The following TEX15 variants were observed in gnomAD, a reference collection of about 807,000 sequenced individuals.
TEX15 encodes testis-expressed protein 15.
In TEX15, 171 loss-of-function variants were observed where a neutral mutation model predicts 237.3. That is an observed-to-expected ratio of 0.72 (90% CI 0.64 to 0.82). The LOEUF (loss-of-function observed/expected upper bound fraction) is 0.82, where lower values mean the gene tolerates loss of function less well. TEX15 is among the 40% of genes least tolerant of loss of function. The pLI, the probability that TEX15 is intolerant of heterozygous loss-of-function variation, is 0.00. For synonymous variants in TEX15, 1,338 were observed against 1,269.8 expected, an observed-to-expected ratio of 1.05 and a Z score of -1.14; for missense variants, 3,750 against 3,646.5, an observed-to-expected ratio of 1.03 and a Z score of -0.73.
Position 30,846,130 on chromosome 8 carries a change from C to A in TEX15, c.4037G>T (p.Arg1346Leu), listed in dbSNP as rs776973308. The change falls in exon 8 of 11, where the codon CGA (arginine) becomes CTA (leucine). Residue 1346 changes from arginine to leucine, a missense_variant. Arg to Leu is a moderately radical substitution (Grantham distance 102, BLOSUM62 -2). Coordinates refer to ENST00000643185, the MANE Select transcript of TEX15 (RefSeq NM_001350162.2). ...TTCTGACTGTGAAAATGTTTTAATT[C>A]GTCCTTGGGATAATGAAGAGAAACA... ...SECFSSLSQG[R>L]IKTFSQSEKH... 1.2e-6 allele frequency: 2 copies of A among 1,613,462 alleles called. No homozygotes were observed. The highest frequency in any genetic ancestry group is 2.2e-5 in the South Asian group (2 of 90,994).
At chr8:30,903,653 C>A (rs1016076836) in intron 1 of TEX15, among the ~76,000 whole-genome samples, 1 of 152,188 alleles carries the variant, frequency 6.6e-6, no homozygotes, top group Non-Finnish European at 1.5e-5. Context: ...ACCTGGATTA[C>A]CTATCCTTCT....
chr8:30,909,055 G>A (rs1404590945), intron 1 of TEX15, among the ~76,000 whole-genome samples: 2 of 152,048 alleles, frequency 1.3e-5, no homozygotes, highest in Non-Finnish European at 1.5e-5. Context: ...AAGAAATGAA[G>A]TTTTATCTTT....
chr8:30,836,149 TAA>T (rs950741189), intron 10 of TEX15, among the ~76,000 whole-genome samples: 2 of 145,526 alleles, frequency 1.4e-5, no homozygotes, highest in Non-Finnish European at 3.0e-5. Context: ...GATATAGTTT[TAA>T]AAAAGTCAGG....
chr8:30,859,717 G>A (rs900966574), intron 6 of TEX15, among the ~76,000 whole-genome samples, 194 bp downstream of exon 6: 19 of 152,244 alleles, frequency 1.2e-4, no homozygotes, highest in Middle Eastern at 3.4e-3. Flanking sequence ...ACTTTGAACT[G>A]AGTTAAATGT....
intron 7 of TEX15, among the ~76,000 whole-genome samples, chr8:30,857,436 C>G (rs1245179031): frequency 6.6e-6 from 1 of 151,886 alleles, no homozygotes; most frequent in Non-Finnish European, 1.5e-5. Context: ...CATTAAGAAC[C>G]CCTGTTCATC....
Position 30,848,923 on chromosome 8 carries a change from G to C in TEX15, c.1244C>G (p.Pro415Arg), listed in dbSNP as rs377203489. The change falls in exon 8 of 11, where the codon CCT (proline) becomes CGT (arginine). Residue 415 changes from proline (P) to arginine (R), a missense_variant. By Grantham distance (103) the Pro-to-Arg change is moderately radical. Coordinates refer to ENST00000643185, the MANE Select transcript of TEX15 (RefSeq NM_001350162.2). ...NILSGLNASF[P>R]LHNNTGSSTV... is the part of the protein sequence containing the mutation. ...GCTTGAGCCAGTATTGTTGTGAAGA[G>C]GAAAAGAAGCATTAAGACCACTTAA... is the stretch of plus-strand genomic sequence containing the variant. The C allele has an allele frequency of 1.4e-5, 23 of 1,613,976 alleles. No homozygotes were observed. Among genetic ancestry groups the C allele is most frequent in the Non-Finnish European group, 1.9e-5 (23 of 1,180,020 alleles).
At position 30,845,689 on chromosome 8, in the gene TEX15, G is replaced by C. The variant is rs1424365629; in HGVS notation, c.4478C>G (p.Ala1493Gly). ...GGGGTGACTTTTTGAGACACTGCTA[G>C]CCATACTTTTCCTAGAAAGGCATTT... ...EKKCLSRKSM[A>G]SSVSKSHPTT... Residue 1493 changes from alanine to glycine, a missense_variant, in exon 8 of 11, where the codon GCT becomes GGT. Transcript: ENST00000643185. The C allele has an allele frequency of 6.2e-7, 1 of 1,613,440 alleles. No homozygotes were observed. Among genetic ancestry groups the C allele is most frequent in the African/African-American group, 1.3e-5 (1 of 74,890 alleles).
chr8:30,911,575 C>A (rs866923836), intron 1 of TEX15, among the ~76,000 whole-genome samples: 4 of 152,230 alleles, frequency 2.6e-5, no homozygotes, highest in Admixed American at 1.3e-4. Flanking sequence ...GCCCCATATT[C>A]ACCCATCACC....
At chr8:30,894,340 G>A (rs976929672) in intron 2 of TEX15, among the ~76,000 whole-genome samples, 1 of 152,008 alleles carries the variant, frequency 6.6e-6, no homozygotes, top group African/African-American at 2.4e-5. Flanking sequence ...AAAAAAATCC[G>A]TATTTGATAA....
chr8:30,846,833 C>T lies in TEX15; in HGVS notation c.3334G>A (p.Glu1112Lys). ...GTGGTGCTTTCCAAAACTTCCATCTCCCCGTTATCAAGTGCTAACAGACCT... is the reference window on the plus strand; with the variant it reads ...GTGGTGCTTTCCAAAACTTCCATCTTCCCGTTATCAAGTGCTAACAGACCT... ...WEGLLALDNGEMEVLESTTGR... is the reference protein window; with the variant it reads ...WEGLLALDNGKMEVLESTTGR... Residue 1112 changes from glutamate (E) to lysine (K), a missense_variant, in exon 8 of 11, where the codon GAG becomes AAG. Transcript: ENST00000643185. 1 of 1,613,898 alleles carries T rather than the reference C, an allele frequency of 6.2e-7. No individual in the cohort carries two copies. Among genetic ancestry groups the T allele is most frequent in the South Asian group, 1.1e-5 (1 of 91,074 alleles).
At chr8:30,889,406 C>T (rs534879394) in intron 2 of TEX15, among the ~76,000 whole-genome samples, 18 of 152,154 alleles carry the variant, frequency 1.2e-4, no homozygotes, top group African/African-American at 3.4e-4. Flanking sequence ...GAGCAGAGAT[C>T]GCACCATTGC....
intron 4 of TEX15, among the ~76,000 whole-genome samples, chr8:30,869,187 A>T (rs1808237542): frequency 6.6e-6 from 1 of 152,022 alleles, no homozygotes; most frequent in South Asian, 2.1e-4. Flanking sequence ...TTCCAAATTT[A>T]TTCAGACGAC....
At chr8:30,896,546 T>TA (rs10714910) in intron 2 of TEX15, among the ~76,000 whole-genome samples, 63 of 145,298 alleles carry the variant, frequency 4.3e-4, no homozygotes, top group East Asian at 8.0e-4. Flanking sequence ...ACCATACGAT[T>TA]AAAAAAAAAA....
chr8:30,901,007 G>A (rs1321940600), intron 1 of TEX15, among the ~76,000 whole-genome samples: 6 of 152,102 alleles, frequency 3.9e-5, no homozygotes, highest in Non-Finnish European at 7.4e-5. Context: ...AATTAGCCAG[G>A]CGTGCCTGTA....
At chr8:30,859,649 G>A (rs1217806061) in intron 6 of TEX15, among the ~76,000 whole-genome samples, 1 of 151,548 alleles carries the variant, frequency 6.6e-6, no homozygotes, top group Non-Finnish European at 1.5e-5. Flanking sequence ...TGAGAAGTTG[G>A]TATATTTTGA....
intron 1 of TEX15, among the ~76,000 whole-genome samples, chr8:30,909,503 A>G (rs531710500): frequency 1.3e-5 from 2 of 151,500 alleles, no homozygotes; most frequent in South Asian, 4.2e-4. Context: ...CCAAGGATAT[A>G]GGATTGCTAC....
chr8:30,908,982 T>TA (rs1389616795), intron 1 of TEX15, among the ~76,000 whole-genome samples: 27 of 152,258 alleles, frequency 1.8e-4, no homozygotes, highest in African/African-American at 6.0e-4. Context: ...CACACACCCT[T>TA]AAAGTCTTGC....
chr8:30,853,329 C>A (rs553209784), intron 7 of TEX15, among the ~76,000 whole-genome samples: 2 of 152,224 alleles, frequency 1.3e-5, no homozygotes, highest in African/African-American at 4.8e-5. Context: ...AACTATAAAA[C>A]AAGTAGACCT....
chr8:30,844,194 A>G lies in TEX15; in HGVS notation c.5973T>C (p.Ala1991=), dbSNP rs557036926. 34 of 1,612,040 alleles carry G rather than the reference A, an allele frequency of 2.1e-5. No homozygotes were observed. The South Asian group carries it at 3.5e-4, about 17-fold the overall frequency. Residue 1991 remains alanine (A), a synonymous_variant, in exon 8 of 11, where the codon GCT becomes GCC. Coordinates refer to ENST00000643185, the MANE Select transcript of TEX15 (RefSeq NM_001350162.2). ...GATTAGCTATAAGGGCCGTATGATT[A>G]GCTGAGCAATGTTTTTCTTTAAAAT... is the stretch of plus-strand genomic sequence containing the variant. ...VSDFKEKHCS[A]NHTALIANLS...
Sources: allele counts gnomAD v4.1 joint callset (sites outside exome capture counted in the v4.1 genomes callset), GRCh38; gene constraint gnomAD v4.1.1; transcripts MANE v1.5; gene names NCBI Gene and HGNC (gene_info 2026-07-23, HGNC 2026-07-21).